ARB2A: variants seen among roughly 807,000 people sequenced by gnomAD.
The protein encoded by ARB2A is cotranscriptional regulator ARB2A.
chr5:93,851,023 T>A, the ARB2A span, among the ~76,000 whole-genome samples: 10 of 152,150 alleles, frequency 6.6e-5, no homozygotes, highest in Non-Finnish European at 1.3e-4. Context: ...CCTCTGAGAG[T>A]GTGTTCTCTA....
At chr5:93,846,154 T>A in the ARB2A span, among the ~76,000 whole-genome samples, 5 of 152,096 alleles carry the variant, frequency 3.3e-5, no homozygotes, top group Non-Finnish European at 7.4e-5. Flanking sequence ...GTTCTATCTT[T>A]TTCTGATAAG....
At chr5:93,850,867 A>G in the ARB2A span, among the ~76,000 whole-genome samples, 1 of 152,310 alleles carries the variant, frequency 6.6e-6, no homozygotes, top group South Asian at 2.1e-4. Context: ...CTGTGGTATG[A>G]AATATCCTAC....
At chr5:93,673,345 A>G in the ARB2A span, among the ~76,000 whole-genome samples, 2 of 151,970 alleles carry the variant, frequency 1.3e-5, no homozygotes, top group Admixed American at 1.3e-4. Context: ...ATCTGGTGGG[A>G]GTTCACGACA....
At chr5:93,875,498 T>C in the ARB2A span, among the ~76,000 whole-genome samples, 1 of 152,188 alleles carries the variant, frequency 6.6e-6, no homozygotes, top group Non-Finnish European at 1.5e-5. Context: ...CCCAAAGTGC[T>C]GGGATTACAG....
At chr5:93,932,201 T>A in the ARB2A span, among the ~76,000 whole-genome samples, 2 of 152,028 alleles carry the variant, frequency 1.3e-5, no homozygotes, top group Non-Finnish European at 2.9e-5. Context: ...TATTGGTTCA[T>A]GAGAATTTGC....
At chr5:93,844,392 T>C in the ARB2A span, among the ~76,000 whole-genome samples, 17 of 151,660 alleles carry the variant, frequency 1.1e-4, no homozygotes, top group Admixed American at 1.1e-3. Flanking sequence ...TGCAGTGAGC[T>C]GAGATGGGAC....
the ARB2A span, among the ~76,000 whole-genome samples, chr5:94,040,830 A>C: frequency 3.9e-5 from 6 of 152,156 alleles, no homozygotes; most frequent in Non-Finnish European, 8.8e-5. Context: ...ACAGGGCCCA[A>C]CAGGGGGCAA....
the ARB2A span, among the ~76,000 whole-genome samples, chr5:93,705,952 A>G: frequency 1.8e-3 from 280 of 152,312 alleles, 1 homozygote; most frequent in Admixed American, 3.3e-3. Flanking sequence ...TTTTAACCTT[A>G]CATTAAAAAT....
the ARB2A span, among the ~76,000 whole-genome samples, chr5:93,789,730 G>A: frequency 6.6e-6 from 1 of 152,168 alleles, no homozygotes; most frequent in Non-Finnish European, 1.5e-5. Context: ...AGTCTTTTCT[G>A]TTAAGGTCAG....
chr5:94,096,683 G>A, the ARB2A span, among the ~76,000 whole-genome samples: 10 of 152,264 alleles, frequency 6.6e-5, no homozygotes, highest in East Asian at 7.7e-4. Context: ...GAAGAGCCAC[G>A]ATGGCCAGCT....
At chr5:93,882,879 T>A in the ARB2A span, among the ~76,000 whole-genome samples, 15 of 151,618 alleles carry the variant, frequency 9.9e-5, no homozygotes, top group African/African-American at 3.6e-4. Context: ...TTACTTAAAA[T>A]AGGTAGTATA....
chr5:93,723,487 A>G, the ARB2A span, among the ~76,000 whole-genome samples: 1 of 152,146 alleles, frequency 6.6e-6, no homozygotes, highest in Non-Finnish European at 1.5e-5. Context: ...TAGACATCAA[A>G]GCTAAGACAC....
the ARB2A span, among the ~76,000 whole-genome samples, chr5:94,006,890 G>GT: frequency 6.6e-6 from 1 of 152,294 alleles, no homozygotes; most frequent in South Asian, 2.1e-4. Context: ...GAAAATGAAA[G>GT]TGTTAGCTAT....
chr5:93,864,095 T>TA, the ARB2A span, among the ~76,000 whole-genome samples: 1 of 152,132 alleles, frequency 6.6e-6, no homozygotes, highest in Non-Finnish European at 1.5e-5. Flanking sequence ...TAAGAAAATG[T>TA]AAAAAATCTA....
chr5:93,659,467 G>A, the ARB2A span, among the ~76,000 whole-genome samples: 1 of 152,114 alleles, frequency 6.6e-6, no homozygotes, highest in Non-Finnish European at 1.5e-5. Context: ...TCTTCTCACT[G>A]CAGCCTGAAA....
the ARB2A span, among the ~76,000 whole-genome samples, chr5:93,883,635 C>T: frequency 6.6e-6 from 1 of 151,570 alleles, no homozygotes; most frequent in East Asian, 1.9e-4. Flanking sequence ...CTTCCTTGTG[C>T]CTCTTACAAC....
At chr5:94,090,141 T>C in the ARB2A span, among the ~76,000 whole-genome samples, 1 of 152,244 alleles carries the variant, frequency 6.6e-6, no homozygotes, top group Admixed American at 6.5e-5. Context: ...TCAATATTGA[T>C]TCTTCCTATC....
chr5:93,791,338 T>C, the ARB2A span, among the ~76,000 whole-genome samples: 2 of 152,346 alleles, frequency 1.3e-5, no homozygotes, highest in Non-Finnish European at 2.9e-5. Flanking sequence ...ATCGTATATA[T>C]AACACGATGT....
chr5:93,881,391 GA>G, the ARB2A span: 1 of 1,083,130 alleles, frequency 9.2e-7, no homozygotes. Context: ...TATTCTTGAA[GA>G]AAAACAAAAC....
Sources: allele counts gnomAD v4.1 joint callset (sites outside exome capture counted in the v4.1 genomes callset), GRCh38; gene constraint gnomAD v4.1.1; transcripts MANE v1.5; gene names NCBI Gene and HGNC (gene_info 2026-07-23, HGNC 2026-07-21).